Variants in AGBL3 observed in about 807,000 individuals in gnomAD.
AGBL3 encodes cytosolic carboxypeptidase 3.
In AGBL3, 68 loss-of-function variants were observed where a neutral mutation model predicts 94.5. The ratio of observed to expected loss-of-function variants is 0.72; its 90% CI spans 0.59 to 0.88. The LOEUF is 0.88. AGBL3 is among the 40% of genes least tolerant of loss of function. The probability of loss-of-function intolerance (pLI) is 0.00; values close to 1 mark genes in which losing one functional copy is unlikely to be tolerated. For missense variants in AGBL3, 934 were observed against 1,103.8 expected, an observed-to-expected ratio of 0.85 and a Z score of 2.18; for synonymous variants, 354 against 370.7, an observed-to-expected ratio of 0.95 and a Z score of 0.52.
In AGBL3 at chr7:135,101,677, T is replaced by C. The variant is rs1280598372; in HGVS notation, c.2111-13703T>C. Among the ~76,000 whole-genome samples the C allele has an allele frequency of 2.0e-5, 3 of 152,140 alleles. No homozygotes were observed. The East Asian group carries it at 5.8e-4, about 29-fold the overall frequency. ...ACTCTTTAGAGTGGCCCTTAACTAA[T>C]TGAAGACTAATATAGTTCATAGTTT... On this transcript the variant is annotated intron_variant, in intron 15 of 16. Transcript: ENST00000436302.
chr7:135,100,007 C>G (rs1402015794), intron 15 of AGBL3: 1 of 150,364 alleles, frequency 6.7e-6, no homozygotes, highest in Non-Finnish European at 1.5e-5. Flanking sequence ...CCTGCCTCAG[C>G]CTCCCGAGTA....
intron 4 of AGBL3, among the ~76,000 whole-genome samples, chr7:135,005,103 A>G (rs944963165): frequency 6.6e-6 from 1 of 151,664 alleles, no homozygotes; most frequent in Non-Finnish European, 1.5e-5. Flanking sequence ...ATATGTAGCC[A>G]TCTATCCATC....
intron 4 of AGBL3, among the ~76,000 whole-genome samples, chr7:135,008,150 A>G (rs1399401798): frequency 6.6e-6 from 1 of 152,030 alleles, no homozygotes; most frequent in Non-Finnish European, 1.5e-5. Context: ...AAATTTATAT[A>G]GAAACTCAAG....
intron 15 of AGBL3, among the ~76,000 whole-genome samples, chr7:135,086,739 G>A (rs988062466): frequency 1.3e-5 from 2 of 151,880 alleles, no homozygotes. Context: ...AGGAGATTTG[G>A]TTTGTTAGTA....
In AGBL3 at chr7:135,030,805, C is replaced by T. The variant is rs1432385712; in HGVS notation, c.419-2039C>T. On this transcript the variant is annotated intron_variant, in intron 5 of 16. Coordinates refer to ENST00000436302, the MANE Select transcript of AGBL3 (RefSeq NM_178563.4). Reference sequence around the variant, plus strand: ...GACAATTTTTATTTGTTTCCAAGTTCACTGATTATTTCTTTTGCAAGCTTT... The same window carrying T: ...GACAATTTTTATTTGTTTCCAAGTTTACTGATTATTTCTTTTGCAAGCTTT... 2.6e-5 allele frequency among the ~76,000 whole-genome samples: 4 copies of T among 151,834 alleles called. 1 individual carries two copies. The highest frequency in any genetic ancestry group is 9.7e-5 in the African/African-American group (4 of 41,318).
intron 16 of AGBL3, chr7:135,129,183 G>A: frequency 2.8e-6 from 4 of 1,423,074 alleles, no homozygotes. Context: ...GATGGCAGAT[G>A]TGGTGTACTG....
chr7:135,065,761 T>C (rs1819231819), intron 12 of AGBL3, among the ~76,000 whole-genome samples: 1 of 152,026 alleles, frequency 6.6e-6, no homozygotes, highest in Admixed American at 6.6e-5. Flanking sequence ...GCATGGTGGC[T>C]CACGCCTATA....
chr7:134,991,197 T>TG (rs1554488010), intron 3 of AGBL3, among the ~76,000 whole-genome samples: 1 of 44,036 alleles, frequency 2.3e-5, no homozygotes, highest in African/African-American at 8.8e-5. Flanking sequence ...CATTTGTGTG[T>TG]GGGTGGGGGG....
At chr7:135,098,671 A>C (rs1245695253) in intron 15 of AGBL3, among the ~76,000 whole-genome samples, 1 of 152,166 alleles carries the variant, frequency 6.6e-6, no homozygotes, top group Non-Finnish European at 1.5e-5. Context: ...TTTCGCATTT[A>C]AGTGAGAATA....
intron 11 of AGBL3, among the ~76,000 whole-genome samples, chr7:135,051,548 G>A (rs567073148): frequency 5.3e-5 from 8 of 151,964 alleles, no homozygotes; most frequent in African/African-American, 1.9e-4. Flanking sequence ...TCAGTAAAAA[G>A]GGATATTTAG....
intron 11 of AGBL3, among the ~76,000 whole-genome samples, chr7:135,046,761 A>G (rs1440612989): frequency 1.3e-5 from 2 of 152,114 alleles, no homozygotes; most frequent in Non-Finnish European, 1.5e-5. Flanking sequence ...TTTGGCAATT[A>G]TAAATAAAGC....
rs547212330 is a variant in AGBL3, at chr7:135,101,517, T to C, written c.2111-13863T>C. Among the ~76,000 whole-genome samples, 14 of 152,260 alleles carry C rather than the reference T, an allele frequency of 9.2e-5. No homozygotes were observed. The South Asian group carries it at 2.9e-3, about 32-fold the overall frequency. On this transcript the variant is annotated intron_variant, in intron 15 of 16. Coordinates refer to ENST00000436302, the MANE Select transcript of AGBL3 (RefSeq NM_178563.4). ...AGCCTTAAAAAAAAAACTTAATTGCTGTATTCCTAATACCTTCCTGTTACT... is the reference window on the plus strand; with the variant it reads ...AGCCTTAAAAAAAAAACTTAATTGCCGTATTCCTAATACCTTCCTGTTACT...
intron 15 of AGBL3, among the ~76,000 whole-genome samples, chr7:135,090,100 T>A (rs982225089): frequency 1.3e-5 from 2 of 152,076 alleles, no homozygotes; most frequent in Non-Finnish European, 2.9e-5. Context: ...AGGATATGGC[T>A]GCAATTCAGG....
In AGBL3 at chr7:135,032,914, T is replaced by C; in HGVS notation, c.489T>C (p.Asp163=). 1 of 1,551,748 alleles carries C rather than the reference T, an allele frequency of 6.4e-7. No homozygotes were observed. The highest frequency in any genetic ancestry group is 1.2e-5 in the South Asian group (1 of 84,018). The change falls in exon 6 of 17, where the codon GAT becomes GAC. Residue 163 remains aspartate, a synonymous_variant. Coordinates refer to ENST00000436302, the MANE Select transcript of AGBL3 (RefSeq NM_178563.4). ...GAACACCTTTGAAGCAGCCTGTGGATTACCGTGACAATACTTTGATGTTTG... is the reference window on the plus strand; with the variant it reads ...GAACACCTTTGAAGCAGCCTGTGGACTACCGTGACAATACTTTGATGTTTG... ...GNRTPLKQPV[D]YRDNTLMFEA...
chr7:135,023,231 C>A (rs1212269353), intron 5 of AGBL3, among the ~76,000 whole-genome samples: 2 of 152,052 alleles, frequency 1.3e-5, no homozygotes, highest in African/African-American at 2.4e-5. Context: ...TCAGGAAGCA[C>A]CACTCCCACT....
intron 2 of AGBL3, 72 bp downstream of exon 2, chr7:134,988,068 T>TAAAATCAATTGGATATA (rs1453154700): frequency 9.3e-7 from 1 of 1,076,824 alleles, no homozygotes; most frequent in African/African-American, 1.6e-5. Flanking sequence ...TAAAATATTA[T>TAAAATCAATTGGATATA]AAAATCAATT....
At chr7:135,093,448 A>G (rs1822170103) in intron 15 of AGBL3, 1 of 152,182 alleles carries the variant, frequency 6.6e-6, no homozygotes, top group African/African-American at 2.4e-5. Flanking sequence ...AATCAATTGT[A>G]TCTCTATACA....
Position 135,038,289 on chromosome 7 carries a change from G to A in AGBL3, c.1500+709G>A, listed in dbSNP as rs62481006. On this transcript the variant is annotated intron_variant, in intron 8 of 16. Transcript: ENST00000436302. ...CCCAAAGACATAAAAAGGAAAGGATGATCTGATAAAAATAGCTATTTAAAG... is the reference window on the plus strand; with the variant it reads ...CCCAAAGACATAAAAAGGAAAGGATAATCTGATAAAAATAGCTATTTAAAG... Among the ~76,000 whole-genome samples the A allele has an allele frequency of 4.5e-3, 689 of 152,180 alleles. 2 individuals carry two copies. Among genetic ancestry groups the A allele is most frequent in the Non-Finnish European group, 7.5e-3 (512 of 67,996 alleles).
At chr7:135,066,742 G>A (rs1318903203) in intron 12 of AGBL3, among the ~76,000 whole-genome samples, 1 of 152,090 alleles carries the variant, frequency 6.6e-6, no homozygotes, top group East Asian at 1.9e-4. Flanking sequence ...GGATAAAAAA[G>A]ATGAGGGGGG....
Sources: gnomAD v4.1 joint callset for allele counts (sites outside exome capture counted in the v4.1 genomes callset) on GRCh38, gnomAD v4.1.1 for gene constraint, MANE v1.5 for transcripts, NCBI Gene and HGNC (gene_info 2026-07-23, HGNC 2026-07-21) for gene names.